Variants in PMPCB observed in about 807,000 individuals in gnomAD.
PMPCB encodes mitochondrial-processing peptidase subunit beta.
PMPCB carries 46 observed loss-of-function variants against 61.5 expected under a neutral mutation model. The ratio of observed to expected loss-of-function variants is 0.75; its 90% confidence interval spans 0.59 to 0.96. The LOEUF (loss-of-function observed/expected upper bound fraction) is 0.96. Ranked by LOEUF, PMPCB falls within the 40% of genes least tolerant of loss-of-function variation. PMPCB has a pLI of 0.00. For missense variants in PMPCB, 590 were observed against 602.4 expected, an observed-to-expected ratio of 0.98 and a Z score of 0.22; for synonymous variants, 191 against 201.6, an observed-to-expected ratio of 0.95 and a Z score of 0.44.
the PMPCB span, among the ~76,000 whole-genome samples, chr7:103,340,017 TA>T: frequency 6.6e-6 from 1 of 152,280 alleles, no homozygotes; most frequent in East Asian, 1.9e-4. Context: ...TTTGTATTTT[TA>T]GTAGAGATGG....
chr7:103,332,540 T>G (rs953368501), downstream of PMPCB, among the ~76,000 whole-genome samples: 2 of 152,188 alleles, frequency 1.3e-5, no homozygotes, highest in African/African-American at 2.4e-5. Flanking sequence ...TCTTTAACAC[T>G]TGAAACAATT....
intron 12 of PMPCB, among the ~76,000 whole-genome samples, chr7:103,325,923 G>T (rs2115927642): frequency 1.3e-5 from 2 of 152,250 alleles, no homozygotes; most frequent in Middle Eastern, 3.4e-3. Flanking sequence ...GGAAATCAAA[G>T]AATGGAAAAT....
At chr7:103,322,362 T>C (rs1038625938) in intron 12 of PMPCB, 1 of 896,710 alleles carries the variant, frequency 1.1e-6, no homozygotes. Flanking sequence ...GATCTCTCAA[T>C]TATACCAACT....
chr7:103,337,417 A>G, the PMPCB span: 1 of 206,332 alleles, frequency 4.8e-6, no homozygotes, highest in East Asian at 1.1e-4. Context: ...GTATCCACTA[A>G]GTGCAGCTGC....
At chr7:103,317,121 C>G, downstream of PMPCB, 2 of 1,004,186 alleles carry the variant, frequency 2.0e-6, no homozygotes, top group East Asian at 2.4e-5. Flanking sequence ...GTCATTCTCA[C>G]TCTGACCCCA....
chr7:103,335,386 C>A, the PMPCB span: 1 of 152,124 alleles, frequency 6.6e-6, no homozygotes, highest in African/African-American at 2.4e-5. Context: ...ATGACAGTTT[C>A]TTTCTAAATA....
chr7:103,341,411 CTT>C, the PMPCB span, among the ~76,000 whole-genome samples: 1 of 152,170 alleles, frequency 6.6e-6, no homozygotes, highest in African/African-American at 2.4e-5. Context: ...CCCTATACGA[CTT>C]ATCAATTCCT....
the PMPCB span, among the ~76,000 whole-genome samples, chr7:103,341,122 A>G: frequency 6.6e-6 from 1 of 152,216 alleles, no homozygotes; most frequent in Non-Finnish European, 1.5e-5. Flanking sequence ...CCAGCCACAT[A>G]GTAAGTTCAA....
At chr7:103,338,082 A>C in the PMPCB span, among the ~76,000 whole-genome samples, 1 of 152,236 alleles carries the variant, frequency 6.6e-6, no homozygotes, top group African/African-American at 2.4e-5. Flanking sequence ...CCTGGGCAAC[A>C]AAGTAAGATC....
At chr7:103,314,738 C>A, downstream of PMPCB, 2 of 713,896 alleles carry the variant, frequency 2.8e-6, no homozygotes, top group Non-Finnish European at 3.4e-6. Context: ...CCTATATTAA[C>A]ACTGTAAGTC....
chr7:103,309,010 T>C lies in PMPCB; in HGVS notation c.908T>C (p.Val303Ala). The change falls in exon 8 of 13, where the codon GTT becomes GCT. Residue 303 changes from valine to alanine, a missense_variant. Transcript: ENST00000249269. Reference protein sequence around the residue: ...LAHLAIAVEAVGWAHPDTICL... With the variant: ...LAHLAIAVEAAGWAHPDTICL... ...CACCTTGCAATAGCTGTTGAAGCTG[T>C]TGGTTGGGCACATCCAGATACAATC... 1.2e-6 allele frequency: 2 copies of C among 1,606,970 alleles called. No homozygotes were observed. Among genetic ancestry groups the C allele is most frequent in the Non-Finnish European group, 1.7e-6 (2 of 1,176,176 alleles).
At chr7:103,311,492 G>A in intron 9 of PMPCB, 151 bp from the exon 10 acceptor site, 1 of 615,514 alleles carries the variant, frequency 1.6e-6, no homozygotes, top group Non-Finnish European at 2.9e-6. Context: ...ATTAATACTG[G>A]GGAAAATAAT....
In PMPCB at chr7:103,303,914, T is replaced by C. The variant is rs1436866272; in HGVS notation, c.530T>C (p.Val177Ala). ...GEAEIERERG[V>A]ILREMQEVET... ...GCAGAGATTGAACGTGAGCGTGGAG[T>C]AATCCTTAGAGAGATGCAGGAAGTT... Residue 177 changes from valine (V) to alanine (A), a missense_variant, in exon 5 of 13, where the codon GTA (valine) becomes GCA (alanine). Physicochemically the swap from Val to Ala is moderately conservative, Grantham distance 64. Transcript: ENST00000249269. The C allele has an allele frequency of 5.0e-6, 8 of 1,613,468 alleles. No homozygotes were observed. Among genetic ancestry groups the C allele is most frequent in the African/African-American group, 1.3e-5 (1 of 74,894 alleles).
At chr7:103,300,658 T>C (rs773195374) in intron 4 of PMPCB, among the ~76,000 whole-genome samples, 28 of 152,230 alleles carry the variant, frequency 1.8e-4, no homozygotes, top group Non-Finnish European at 4.0e-4. Context: ...AACAACAAAA[T>C]TTAGCAGTTT....
the PMPCB span, among the ~76,000 whole-genome samples, chr7:103,347,286 T>C: frequency 6.6e-6 from 1 of 152,240 alleles, no homozygotes; most frequent in Non-Finnish European, 1.5e-5. Flanking sequence ...TTGATTTGCA[T>C]TTCCTAACAG....
chr7:103,332,753 A>C (rs1220005250), downstream of PMPCB, among the ~76,000 whole-genome samples: 1 of 151,998 alleles, frequency 6.6e-6, no homozygotes, highest in African/African-American at 2.4e-5. Flanking sequence ...CCTTCTGAGC[A>C]GCTGGGACCA....
At chr7:103,315,475 T>C (rs1817998423), downstream of PMPCB, among the ~76,000 whole-genome samples, 1 of 152,190 alleles carries the variant, frequency 6.6e-6, no homozygotes, top group Non-Finnish European at 1.5e-5. Flanking sequence ...TATCCCGATA[T>C]AACACTATTC....
chr7:103,323,449 GAGAA>G (rs1818531286), intron 12 of PMPCB: 1 of 832,544 alleles, frequency 1.2e-6, no homozygotes, highest in African/African-American at 1.8e-5. Flanking sequence ...TTTAACTTGT[GAGAA>G]AGGATTTCAA....
chr7:103,317,014 T>G (rs1818100578), downstream of PMPCB: 1 of 1,612,186 alleles, frequency 6.2e-7, no homozygotes. Flanking sequence ...ATTTCTTCTA[T>G]CTGCACAAAT....
Sources: gnomAD v4.1 joint callset for allele counts (sites outside exome capture counted in the v4.1 genomes callset) on GRCh38, gnomAD v4.1.1 for gene constraint, MANE v1.5 for transcripts, NCBI Gene and HGNC (gene_info 2026-07-23, HGNC 2026-07-21) for gene names.